Variants in SPINK8 observed in about 807,000 individuals in gnomAD.
The protein encoded by SPINK8 is serine protease inhibitor Kazal-type 8.
SPINK8 carries 12 observed loss-of-function variants against 14.4 expected under a neutral mutation model. That is an observed-to-expected ratio of 0.83 (90% CI 0.53 to 1.35). The LOEUF is 1.35. Ranked by LOEUF, SPINK8 falls within the 40% of genes most tolerant of loss-of-function variation. The probability of loss-of-function intolerance (pLI) is 0.00; values close to 1 mark genes in which losing one functional copy is unlikely to be tolerated. For missense variants in SPINK8, 103 were observed against 117.0 expected, an observed-to-expected ratio of 0.88 and a Z score of 0.55; for synonymous variants, 32 against 37.6, an observed-to-expected ratio of 0.85 and a Z score of 0.55.
intron 1 of SPINK8, among the ~76,000 whole-genome samples, chr3:48,333,108 T>C (rs180970588): frequency 2.6e-4 from 40 of 152,176 alleles, no homozygotes. Context: ...TAAATCACAC[T>C]TTTAACATAA....
At chr3:48,309,983 A>G (rs2035904130) in intron 6 of SPINK8, 37 bp from the exon 7 acceptor site, 1 of 1,372,772 alleles carries the variant, frequency 7.3e-7, no homozygotes, top group South Asian at 1.8e-5. Context: ...TTTTTGCTGT[A>G]TGGTATATCA....
chr3:48,317,868 G>A (rs953077069), intron 6 of SPINK8, among the ~76,000 whole-genome samples: 2 of 152,026 alleles, frequency 1.3e-5, no homozygotes, highest in African/African-American at 4.8e-5. Flanking sequence ...TGACTTCCAA[G>A]TAGCTAGGAC....
At chr3:48,312,937 G>A (rs1213713236) in intron 6 of SPINK8, among the ~76,000 whole-genome samples, 1 of 150,348 alleles carries the variant, frequency 6.7e-6, no homozygotes, top group East Asian at 1.9e-4. Context: ...GGCAGAGGTT[G>A]CAGTGAGCTG....
chr3:48,333,107 C>T (rs1167027816), intron 1 of SPINK8, among the ~76,000 whole-genome samples: 1 of 152,154 alleles, frequency 6.6e-6, no homozygotes, highest in Non-Finnish European at 1.5e-5. Flanking sequence ...ATAAATCACA[C>T]TTTTAACATA....
chr3:48,319,436 C>G, intron 6 of SPINK8, 61 bp downstream of exon 6: 5 of 1,599,658 alleles, frequency 3.1e-6, no homozygotes, highest in Non-Finnish European at 4.3e-6. Context: ...GGTCATCACC[C>G]TCTTTTGACC....
intron 4 of SPINK8, among the ~76,000 whole-genome samples, chr3:48,326,695 G>A (rs2107111443): frequency 6.6e-6 from 1 of 152,096 alleles, no homozygotes; most frequent in Non-Finnish European, 1.5e-5. Context: ...GATCATTCGA[G>A]GTCAGGTGTT....
At chr3:48,325,285 A>T (rs1182035471) in intron 4 of SPINK8, among the ~76,000 whole-genome samples, 2 of 151,812 alleles carry the variant, frequency 1.3e-5, no homozygotes, top group East Asian at 3.9e-4. Flanking sequence ...ATTCGCATTT[A>T]ATTTTTTTAT....
At chr3:48,321,579 T>C (rs1269876907) in intron 4 of SPINK8, among the ~76,000 whole-genome samples, 2 of 151,730 alleles carry the variant, frequency 1.3e-5, no homozygotes, top group South Asian at 4.1e-4. Context: ...AATTCACATA[T>C]CATAGAATTT....
At chr3:48,319,132 C>G (rs1396539650) in intron 6 of SPINK8, among the ~76,000 whole-genome samples, 1 of 152,192 alleles carries the variant, frequency 6.6e-6, no homozygotes, top group Non-Finnish European at 1.5e-5. Context: ...CTTCCTCTTC[C>G]TCTTCTTTTT....
rs1309383506 is a variant in SPINK8, at chr3:48,317,857, C to T, written c.239+1640G>A. On this transcript the variant is annotated intron_variant, in intron 6 of 7. Coordinates refer to ENST00000434006, the MANE Select transcript of SPINK8 (RefSeq NM_001080525.3). ...GAACTCCTGGGCTCAAGCAATCATC[C>T]TGACTTCCAAGTAGCTAGGACTACA... Among the ~76,000 whole-genome samples, 6 of 152,116 alleles carry T rather than the reference C, an allele frequency of 3.9e-5. No homozygotes were observed. In the South Asian group the frequency reaches 1.0e-3, roughly 26 times the overall value.
intron 2 of SPINK8, among the ~76,000 whole-genome samples, chr3:48,329,834 A>G (rs1281676841): frequency 1.3e-5 from 2 of 152,184 alleles, no homozygotes; most frequent in East Asian, 3.8e-4. Context: ...CCTGACTCAC[A>G]GGGTTTTAAA....
rs193180727 is a variant in SPINK8, at chr3:48,313,397, G to A, written c.240-3451C>T. 2.0e-3 allele frequency among the ~76,000 whole-genome samples: 309 copies of A among 152,284 alleles called. 3 individuals are homozygous for A. The highest frequency in any genetic ancestry group is 6.9e-3 in the African/African-American group (287 of 41,568). Reference sequence around the variant, plus strand: ...AGATGTCCAACCTCATTAGTCATTAGAGAAATGTAAATGAAAACTTGATGA... The same window carrying A: ...AGATGTCCAACCTCATTAGTCATTAAAGAAATGTAAATGAAAACTTGATGA... On this transcript the variant is annotated intron_variant, in intron 6 of 7. Transcript: ENST00000434006.
chr3:48,329,597 C>G (rs1242050465), intron 2 of SPINK8, among the ~76,000 whole-genome samples: 3 of 152,220 alleles, frequency 2.0e-5, no homozygotes, highest in Non-Finnish European at 4.4e-5. Context: ...TTTATCAAGT[C>G]AAAAGTGTTC....
At chr3:48,323,559 G>C (rs2036103257) in intron 4 of SPINK8, among the ~76,000 whole-genome samples, 1 of 152,156 alleles carries the variant, frequency 6.6e-6, no homozygotes, top group South Asian at 2.1e-4. Context: ...TCTTCTAATA[G>C]TTTTATAATT....
Position 48,313,968 on chromosome 3 carries a change from A to G in SPINK8, c.240-4022T>C, listed in dbSNP as rs542099505. 2.0e-3 allele frequency among the ~76,000 whole-genome samples: 308 copies of G among 152,276 alleles called. 3 individuals are homozygous for G. Among genetic ancestry groups the G allele is most frequent in the African/African-American group, 6.9e-3 (286 of 41,556 alleles). ...GGAACTGTGGGGAGGAGGGAATGGG[A>G]AGTTAACTGCTTAATGGACATGAGG... On this transcript the variant is annotated intron_variant, in intron 6 of 7. Coordinates refer to ENST00000434006, the MANE Select transcript of SPINK8 (RefSeq NM_001080525.3).
At chr3:48,332,006 C>T (rs1354490234) in intron 2 of SPINK8, among the ~76,000 whole-genome samples, 2 of 152,236 alleles carry the variant, frequency 1.3e-5, no homozygotes, top group Non-Finnish European at 1.5e-5. Context: ...GGACCTTCAT[C>T]CCCTGGGGCA....
intron 4 of SPINK8, among the ~76,000 whole-genome samples, chr3:48,323,343 C>T (rs899440693): frequency 6.6e-6 from 1 of 152,106 alleles, no homozygotes; most frequent in South Asian, 2.1e-4. Flanking sequence ...AGGTGATCTG[C>T]CCGCCTCAGC....
At chr3:48,316,769 T>G (rs1254016231) in intron 6 of SPINK8, among the ~76,000 whole-genome samples, 2 of 151,956 alleles carry the variant, frequency 1.3e-5, no homozygotes. Flanking sequence ...TGAGACCTGG[T>G]CTCATAAATA....
At chr3:48,324,507 T>C (rs2036114369) in intron 4 of SPINK8, among the ~76,000 whole-genome samples, 1 of 152,156 alleles carries the variant, frequency 6.6e-6, no homozygotes, top group Admixed American at 6.5e-5. Context: ...GAACCTCCAG[T>C]ACAATGTTAA....
Sources: allele counts gnomAD v4.1 joint callset (sites outside exome capture counted in the v4.1 genomes callset), GRCh38; gene constraint gnomAD v4.1.1; transcripts MANE v1.5; gene names NCBI Gene and HGNC (gene_info 2026-07-23, HGNC 2026-07-21).